The following PLSCR5 variants were observed in gnomAD, a reference collection of about 807,000 sequenced individuals.
PLSCR5 encodes the protein phospholipid scramblase family, member 5.
In PLSCR5, 44 loss-of-function variants were observed where a neutral mutation model predicts 33.6. That is an observed-to-expected ratio of 1.31 (90% confidence interval 1.03 to 1.69). The LOEUF (loss-of-function observed/expected upper bound fraction) is 1.69. Among genes scored for constraint, PLSCR5 ranks in the 40% most tolerant of loss-of-function variants. The probability of loss-of-function intolerance (pLI) is 0.00; values close to 1 mark genes in which losing one functional copy is unlikely to be tolerated. For synonymous variants in PLSCR5, 148 were observed against 112.3 expected (o/e 1.32, Z -2.01); for missense variants, 375 against 318.7 (o/e 1.18, Z -1.34).
chr3:146,589,933 AATTCCAT>A, intron 5 of PLSCR5, 119 bp from the exon 6 acceptor site: 1 of 628,172 alleles, frequency 1.6e-6, no homozygotes, highest in Non-Finnish European at 2.5e-6. Context: ...TCAAAATGAC[AATTCCAT>A]GTTATTCATT....
intron 5 of PLSCR5, among the ~76,000 whole-genome samples, chr3:146,591,142 A>G (rs986421609): frequency 5.3e-5 from 8 of 151,470 alleles, no homozygotes; most frequent in Non-Finnish European, 1.2e-4. Context: ...GAAAGAAGAT[A>G]CATAATTTAG....
At position 146,589,813 on chromosome 3, in the gene PLSCR5, A is replaced by C. The variant is rs1352011970; in HGVS notation, c.617T>G (p.Val206Gly). 1 of 1,519,044 alleles carries C rather than the reference A, an allele frequency of 6.6e-7. No individual in the cohort carries two copies. Among genetic ancestry groups the C allele is most frequent in the Non-Finnish European group, 9.0e-7 (1 of 1,115,048 alleles). 94.1% of individuals were successfully genotyped at this position (1,519,044 alleles called of 1,614,324 possible). Residue 206 changes from valine to glycine, a missense_variant and splice_region_variant, in exon 6 of 8, where the codon GTG becomes GGG. Physicochemically the swap from Val to Gly is moderately radical, Grantham distance 109. Transcript: ENST00000443512. ...TGTAAGCTTTTCATTAATGGTTTTCACCTTTAGAAAGAAAATAAGGAGTAT... is the reference window on the plus strand; with the variant it reads ...TGTAAGCTTTTCATTAATGGTTTTCCCCTTTAGAAAGAAAATAAGGAGTAT... The part of the protein sequence containing the change: ...CGCFGDVDFE[V>G]KTINEKLTIG...
chr3:146,581,768 A>G (rs985736209), downstream of PLSCR5, among the ~76,000 whole-genome samples: 2 of 152,236 alleles, frequency 1.3e-5, no homozygotes, highest in African/African-American at 4.8e-5. Context: ...ATATATTTCA[A>G]TACATCATGT....
At chr3:146,585,780 C>G (rs995547550), downstream of PLSCR5, 2 of 200,516 alleles carry the variant, frequency 1.0e-5, no homozygotes, top group Non-Finnish European at 2.0e-5. Flanking sequence ...CTCAAAGCAA[C>G]CTTGTGCTCA....
intron 2 of PLSCR5, among the ~76,000 whole-genome samples, chr3:146,597,825 T>C (rs1418102674): frequency 6.6e-6 from 1 of 152,170 alleles, no homozygotes; most frequent in Non-Finnish European, 1.5e-5. Context: ...GCTTAATAAT[T>C]AATTTAAAAA....
At chr3:146,595,961 T>C (rs941411972) in intron 2 of PLSCR5, among the ~76,000 whole-genome samples, 2 of 152,182 alleles carry the variant, frequency 1.3e-5, no homozygotes, top group African/African-American at 4.8e-5. Context: ...AAAATAAAAA[T>C]GAGTTCCTGT....
intron 1 of PLSCR5, among the ~76,000 whole-genome samples, chr3:146,602,327 G>A (rs887008137): frequency 3.3e-5 from 5 of 152,074 alleles, no homozygotes; most frequent in East Asian, 1.9e-4. Flanking sequence ...ATATTAAAAG[G>A]CAATAAACAT....
intron 7 of PLSCR5, among the ~76,000 whole-genome samples, chr3:146,577,557 C>T (rs342930): frequency 1.3e-5 from 2 of 152,008 alleles, no homozygotes; most frequent in Admixed American, 6.6e-5. Context: ...CTGTTTGGTA[C>T]GCCAATGTTA....
At chr3:146,605,140 A>G in intron 1 of PLSCR5, 60 bp downstream of exon 1, 1 of 1,515,022 alleles carries the variant, frequency 6.6e-7, no homozygotes, top group Non-Finnish European at 9.1e-7. Flanking sequence ...CACATCCACA[A>G]TTGTATATTT....
chr3:146,594,839 T>C (rs1429515259), intron 3 of PLSCR5, among the ~76,000 whole-genome samples: 1 of 152,152 alleles, frequency 6.6e-6, no homozygotes, highest in East Asian at 1.9e-4. Context: ...TTCAGAGTTT[T>C]ATGCTTCTAT....
chr3:146,605,261 G>A lies in PLSCR5; in HGVS notation c.-49C>T, dbSNP rs984504716. On this transcript the variant is annotated 5_prime_UTR_variant, in exon 1 of 8. Coordinates refer to ENST00000443512, the MANE Select transcript of PLSCR5 (RefSeq NM_001085420.2). ...AAAGGTTGCCAGGTTGGAAAACAAA[G>A]GCTTTTCTTGTTGCAGCAAGGAGAG... The A allele has an allele frequency of 5.3e-5, 86 of 1,610,122 alleles. No individual in the cohort carries two copies. The highest frequency in any genetic ancestry group is 7.1e-5 in the Non-Finnish European group (84 of 1,177,878).
intron 1 of PLSCR5, among the ~76,000 whole-genome samples, chr3:146,601,909 T>G (rs564538344): frequency 6.6e-6 from 1 of 152,328 alleles, no homozygotes; most frequent in Admixed American, 6.5e-5. Context: ...ATTTATTTAT[T>G]CATGAAGTAA....
intron 6 of PLSCR5, 141 bp downstream of exon 6, chr3:146,589,512 A>G (rs1576818285): frequency 1.5e-5 from 12 of 796,300 alleles, no homozygotes; most frequent in Non-Finnish European, 2.1e-5. Context: ...ATTTTTGAAG[A>G]ACATTGGTCC....
At chr3:146,602,825 A>T (rs2107861015) in intron 1 of PLSCR5, among the ~76,000 whole-genome samples, 1 of 152,190 alleles carries the variant, frequency 6.6e-6, no homozygotes, top group Admixed American at 6.6e-5. Context: ...GGAGGGCCTT[A>T]GACTTCACAG....
chr3:146,591,646 A>T, intron 5 of PLSCR5, 74 bp downstream of exon 5: 1 of 1,412,526 alleles, frequency 7.1e-7, no homozygotes, highest in South Asian at 1.3e-5. Context: ...TAATTTGAAC[A>T]TAAAAAAATT....
chr3:146,592,572 T>C (rs1474184098), intron 4 of PLSCR5, among the ~76,000 whole-genome samples: 2 of 152,120 alleles, frequency 1.3e-5, no homozygotes, highest in Non-Finnish European at 2.9e-5. Flanking sequence ...TGTTTGCTTT[T>C]AAACCAAGAC....
At chr3:146,599,520 T>G (rs2107858321) in intron 2 of PLSCR5, among the ~76,000 whole-genome samples, 1 of 152,088 alleles carries the variant, frequency 6.6e-6, no homozygotes, top group Non-Finnish European at 1.5e-5. Flanking sequence ...TTAACTTTTT[T>G]TTTTTTTTTT....
At chr3:146,602,839 G>A (rs534721183) in intron 1 of PLSCR5, among the ~76,000 whole-genome samples, 1 of 152,188 alleles carries the variant, frequency 6.6e-6, no homozygotes, top group South Asian at 2.1e-4. Context: ...TTCACAGCAA[G>A]TCCAGAAGCA....
At chr3:146,601,244 C>T (rs1279852515) in intron 1 of PLSCR5, among the ~76,000 whole-genome samples, 1 of 151,488 alleles carries the variant, frequency 6.6e-6, no homozygotes, top group African/African-American at 2.4e-5. Context: ...TATGTATAAC[C>T]CCTAATAAGG....
Sources: allele counts gnomAD v4.1 joint callset (sites outside exome capture counted in the v4.1 genomes callset), GRCh38; gene constraint gnomAD v4.1.1; transcripts MANE v1.5; gene names NCBI Gene and HGNC (gene_info 2026-07-23, HGNC 2026-07-21).